RBKS: variants seen among roughly 807,000 people sequenced by gnomAD.
The protein encoded by RBKS is ribokinase.
Under a neutral mutation model 33.9 loss-of-function variants are expected in RBKS, and 33 were observed. The ratio of observed to expected loss-of-function variants is 0.97; its 90% confidence interval spans 0.74 to 1.30. The LOEUF (loss-of-function observed/expected upper bound fraction) is 1.30, where lower values mean the gene tolerates loss of function less well. Ranked by LOEUF, RBKS falls within the 50% of genes most tolerant of loss-of-function variation. RBKS has a pLI of 0.00. For synonymous variants in RBKS, 125 were observed against 143.0 expected, an observed-to-expected ratio of 0.87 and a Z score of 0.90; for missense variants, 361 against 392.6, an observed-to-expected ratio of 0.92 and a Z score of 0.68.
chr2:27,782,328 T>C (rs947000690), intron 7 of RBKS, among the ~76,000 whole-genome samples: 5 of 151,892 alleles, frequency 3.3e-5, no homozygotes, highest in Non-Finnish European at 5.9e-5. Flanking sequence ...ACTACAGGCA[T>C]GTGCAACACT....
intron 5 of RBKS, among the ~76,000 whole-genome samples, chr2:27,836,155 T>C (rs4665394): frequency 0.34 from 51,675 of 151,936 alleles, 10,566 homozygotes; most frequent in East Asian, 0.63. Context: ...GCGGAGGGTG[T>C]GGTGAGCCGA....
At position 27,843,055 on chromosome 2, in the gene RBKS, A is replaced by G; in HGVS notation, c.514+12T>C. The stretch of plus-strand genomic sequence containing the variant: ...AGCTTTTATAGAAAGAATGACAAAT[A>G]TGTATAATTACCTCCACTCCTGCGG... On this transcript the variant is annotated intron_variant, in intron 5 of 7. Coordinates refer to ENST00000302188, the MANE Select transcript of RBKS (RefSeq NM_022128.3). 1.3e-6 allele frequency: 2 copies of G among 1,545,350 alleles called. No homozygotes were observed. Among genetic ancestry groups the G allele is most frequent in the Non-Finnish European group, 1.7e-6 (2 of 1,144,398 alleles).
At chr2:27,848,127 C>A (rs1663659378) in intron 2 of RBKS, 30 bp from the exon 3 acceptor site, 3 of 1,265,616 alleles carry the variant, frequency 2.4e-6, no homozygotes, top group Admixed American at 2.0e-5. Context: ...AATATTAGAT[C>A]TTTTAGAGTT....
intron 7 of RBKS, among the ~76,000 whole-genome samples, chr2:27,786,891 G>T (rs1341067397): frequency 1.3e-5 from 2 of 152,156 alleles, no homozygotes; most frequent in Non-Finnish European, 2.9e-5. Context: ...GGAAACACAG[G>T]GCTTGGTGGA....
At chr2:27,873,467 C>CAA (rs1193696013) in intron 1 of RBKS, among the ~76,000 whole-genome samples, 1 of 152,056 alleles carries the variant, frequency 6.6e-6, no homozygotes, top group African/African-American at 2.4e-5. Flanking sequence ...GACAGAATAC[C>CAA]AAAGAACTGC....
chr2:27,814,961 T>G (rs1258308350), intron 7 of RBKS, among the ~76,000 whole-genome samples: 2 of 152,210 alleles, frequency 1.3e-5, no homozygotes, highest in African/African-American at 2.4e-5. Context: ...GCACATGACA[T>G]TCATGCAATT....
chr2:27,887,485 C>G (rs897259601), intron 1 of RBKS, among the ~76,000 whole-genome samples: 16 of 152,148 alleles, frequency 1.1e-4, no homozygotes, highest in African/African-American at 1.7e-4. Context: ...CTAACTGTAA[C>G]TAGAAAAGTT....
chr2:27,838,185 A>C (rs540043807), intron 5 of RBKS, among the ~76,000 whole-genome samples: 2 of 152,170 alleles, frequency 1.3e-5, no homozygotes, highest in Non-Finnish European at 2.9e-5. Context: ...GGGCGGGCAG[A>C]ATGAGACTCT....
chr2:27,873,116 G>A (rs766378238), intron 1 of RBKS, among the ~76,000 whole-genome samples: 1 of 152,170 alleles, frequency 6.6e-6, no homozygotes, highest in Admixed American at 6.5e-5. Flanking sequence ...TGCTCTTCCT[G>A]AGACCTGGCT....
At chr2:27,782,260 A>G (rs1191488662) in intron 7 of RBKS, among the ~76,000 whole-genome samples, 1 of 151,908 alleles carries the variant, frequency 6.6e-6, no homozygotes, top group African/African-American at 2.4e-5. Context: ...TCAACTCCTG[A>G]GTGAACCCCT....
chr2:27,787,662 T>A (rs1041799686), intron 7 of RBKS, among the ~76,000 whole-genome samples: 2 of 152,166 alleles, frequency 1.3e-5, no homozygotes, highest in Admixed American at 6.5e-5. Context: ...CGCTGGATAA[T>A]CCTTGCAAAC....
intron 7 of RBKS, among the ~76,000 whole-genome samples, chr2:27,784,234 C>T (rs1169031194): frequency 1.3e-5 from 2 of 151,816 alleles, no homozygotes; most frequent in East Asian, 2.0e-4. Context: ...CCGCCCGCCT[C>T]GGCCTCCCGA....
In RBKS at chr2:27,872,329, G is replaced by T. The variant is rs551335970; in HGVS notation, c.90-13758C>A. 2.0e-5 allele frequency among the ~76,000 whole-genome samples: 3 copies of T among 151,612 alleles called. No individual in the cohort carries two copies. The East Asian group carries it at 5.8e-4, about 29-fold the overall frequency. ...ACTGGATTACATTCTCTAGTAAAAA[G>T]AAAAAAGTAGTGCAGTTATAAAAAA... On this transcript the variant is annotated intron_variant, in intron 1 of 7. Transcript: ENST00000302188.
chr2:27,830,180 C>T (rs1678393451), intron 6 of RBKS, among the ~76,000 whole-genome samples: 1 of 152,034 alleles, frequency 6.6e-6, no homozygotes. Context: ...ATTTACATAT[C>T]AGTGGTTTGT....
chr2:27,786,154 T>A (rs950367494), intron 7 of RBKS, among the ~76,000 whole-genome samples: 14 of 152,240 alleles, frequency 9.2e-5, no homozygotes, highest in African/African-American at 3.1e-4. Flanking sequence ...TGTATTTTTT[T>A]AAAGAATATA....
rs1027529450 is a variant in RBKS at position 27,795,182 on chromosome 2, C to T, written c.796-13394G>A. Among the ~76,000 whole-genome samples, 5 of 152,276 alleles carry T rather than the reference C, an allele frequency of 3.3e-5. No homozygotes were observed. The highest frequency in any genetic ancestry group is 1.2e-4 in the African/African-American group (5 of 41,544). On this transcript the variant is annotated intron_variant, in intron 7 of 7. Coordinates refer to ENST00000302188, the MANE Select transcript of RBKS (RefSeq NM_022128.3). The surrounding 1 kb of genome is among the most constrained non-coding windows in gnomAD (Gnocchi z 4.1). Reference sequence around the variant, plus strand: ...CAATCCCTTAAAAGTCCTGTGTGTTCAATTAATGCTTGCTGATGGACCGTC... The same window carrying T: ...CAATCCCTTAAAAGTCCTGTGTGTTTAATTAATGCTTGCTGATGGACCGTC...
chr2:27,863,025 G>A (rs1664020491), intron 1 of RBKS, among the ~76,000 whole-genome samples: 1 of 150,846 alleles, frequency 6.6e-6, no homozygotes, highest in Non-Finnish European at 1.5e-5. Flanking sequence ...AGGTTTAACA[G>A]AGTGTCAAAG....
intron 7 of RBKS, among the ~76,000 whole-genome samples, chr2:27,791,613 T>TACACACACACACACAC (rs59707075): frequency 1.8e-4 from 26 of 140,966 alleles, no homozygotes; most frequent in African/African-American, 7.3e-4. Context: ...ATAATAAATC[T>TACACACACACACACAC]ACACACACAC....
At chr2:27,865,896 T>A (rs1423411606) in intron 1 of RBKS, among the ~76,000 whole-genome samples, 6 of 152,202 alleles carry the variant, frequency 3.9e-5, no homozygotes, top group Non-Finnish European at 7.3e-5. Flanking sequence ...TACTTCCACA[T>A]GATGTAAACG....
Sources: gnomAD v4.1 joint callset for allele counts (sites outside exome capture counted in the v4.1 genomes callset) on GRCh38, gnomAD v4.1.1 for gene constraint, Gnocchi (gnomAD v3.1) non-coding constraint, MANE v1.5 for transcripts, NCBI Gene and HGNC (gene_info 2026-07-23, HGNC 2026-07-21) for gene names.